Variants in EVL observed in about 807,000 individuals in gnomAD.
EVL encodes the protein ena/VASP-like protein.
Under a neutral mutation model 59.6 loss-of-function variants are expected in EVL, and 21 were observed. The observed-to-expected ratio is 0.35, with a 90% CI of 0.25 to 0.51. EVL has a LOEUF of 0.51. EVL is among the 20% of genes least tolerant of loss of function. EVL has a pLI of 0.97. For synonymous variants in EVL, 198 were observed against 203.5 expected (o/e 0.97, Z 0.23); for missense variants, 462 against 546.6 (o/e 0.85, Z 1.54).
intron 1 of EVL, among the ~76,000 whole-genome samples, chr14:99,997,736 A>G (rs1440725829): frequency 4.6e-5 from 7 of 152,206 alleles, no homozygotes; most frequent in African/African-American, 1.7e-4. Flanking sequence ...AGTGATGTTC[A>G]TGTGTAACTT....
chr14:100,047,736 G>C (rs1439801655), intron 1 of EVL, among the ~76,000 whole-genome samples: 1 of 152,170 alleles, frequency 6.6e-6, no homozygotes, highest in Non-Finnish European at 1.5e-5. Flanking sequence ...TCATTATTCA[G>C]ATTGTGAGTT....
At chr14:100,133,983 C>T (rs1277247240) in intron 8 of EVL, among the ~76,000 whole-genome samples, 2 of 152,194 alleles carry the variant, frequency 1.3e-5, no homozygotes, top group African/African-American at 4.8e-5. Flanking sequence ...CTCCCGACCC[C>T]CAGGCCTCAC....
chr14:100,044,632 C>T lies in EVL; in HGVS notation c.6-40055C>T, dbSNP rs4143899. On this transcript the variant is annotated intron_variant, in intron 1 of 13. Transcript: ENST00000402714. ...AATGTGATCCAAGGAGTGCCACAGGCAGACCTGGGGTATGTGTGGGTATCT... is the reference window on the plus strand; with the variant it reads ...AATGTGATCCAAGGAGTGCCACAGGTAGACCTGGGGTATGTGTGGGTATCT... Among the ~76,000 whole-genome samples, 5 of 152,154 alleles carry T rather than the reference C, an allele frequency of 3.3e-5. No individual in the cohort carries two copies. The East Asian group carries it at 9.6e-4, about 29-fold the overall frequency.
chr14:100,018,246 G>A (rs544908459), intron 1 of EVL, among the ~76,000 whole-genome samples: 121 of 152,326 alleles, frequency 7.9e-4, no homozygotes, highest in South Asian at 1.5e-3. Flanking sequence ...GGAGCAGTGA[G>A]GGAGCAGCAC....
At chr14:99,981,359 G>T (rs2060805020) in intron 1 of EVL, among the ~76,000 whole-genome samples, 1 of 152,170 alleles carries the variant, frequency 6.6e-6, no homozygotes. Context: ...TTGAACCCGG[G>T]ATGGGGAGGT....
At chr14:99,999,454 T>C (rs974160936) in intron 1 of EVL, among the ~76,000 whole-genome samples, 1 of 152,168 alleles carries the variant, frequency 6.6e-6, no homozygotes, top group Non-Finnish European at 1.5e-5. Context: ...CTGACACATA[T>C]AAAGAATGTA....
chr14:100,058,828 T>G (rs1194836773), intron 1 of EVL, among the ~76,000 whole-genome samples: 1 of 152,210 alleles, frequency 6.6e-6, no homozygotes, highest in Non-Finnish European at 1.5e-5. Flanking sequence ...AAGTGCTTCA[T>G]TAAAGCTAGA....
intron 1 of EVL, among the ~76,000 whole-genome samples, chr14:100,024,005 A>G (rs1366521807): frequency 6.6e-6 from 1 of 152,212 alleles, no homozygotes; most frequent in African/African-American, 2.4e-5. Flanking sequence ...AGCCCAAATC[A>G]GAGACTTCTG....
rs1365880989 is a variant in EVL at position 100,009,811 on chromosome 14, A to G, written c.5+37754A>G. ...GAGACATCAATCAAATACATTTAAG[A>G]AATACATTGGTTTGATTCAGAAGGC... On this transcript the variant is annotated intron_variant, in intron 1 of 13. Coordinates refer to the EVL transcript ENST00000402714. Among the ~76,000 whole-genome samples, 3 of 152,348 alleles carry G rather than the reference A, an allele frequency of 2.0e-5. No homozygotes were observed. The East Asian group carries it at 5.8e-4, about 29-fold the overall frequency.
chr14:99,987,510 CA>C (rs1345736934), intron 1 of EVL, among the ~76,000 whole-genome samples: 19 of 152,174 alleles, frequency 1.2e-4, no homozygotes, highest in African/African-American at 4.3e-4. Flanking sequence ...GGCATGGTGG[CA>C]CACGCCTGTA....
At chr14:100,048,409 A>G (rs2061590600) in intron 1 of EVL, among the ~76,000 whole-genome samples, 1 of 152,220 alleles carries the variant, frequency 6.6e-6, no homozygotes, top group Non-Finnish European at 1.5e-5. Context: ...ATCATTAATC[A>G]TTAGAGAAAT....
At chr14:100,048,591 T>C in intron 1 of EVL, among the ~76,000 whole-genome samples, 1 of 152,206 alleles carries the variant, frequency 6.6e-6, no homozygotes, top group East Asian at 1.9e-4. Context: ...TTACATACAG[T>C]TAACATATAA....
At chr14:100,005,398 G>T (rs1329547713) in intron 1 of EVL, among the ~76,000 whole-genome samples, 1 of 152,088 alleles carries the variant, frequency 6.6e-6, no homozygotes, top group Non-Finnish European at 1.5e-5. Context: ...AGATCATTCT[G>T]TTTTAAGCTG....
intron 2 of EVL, among the ~76,000 whole-genome samples, chr14:100,095,391 C>G (rs1469333744): frequency 2.0e-5 from 3 of 152,222 alleles, no homozygotes; most frequent in African/African-American, 7.2e-5. Context: ...CTTCTCTTCC[C>G]TCATGCTGGT....
Position 100,110,374 on chromosome 14 carries a change from A to G in EVL, c.358+12716A>G, listed in dbSNP as rs527429811. On this transcript the variant is annotated intron_variant, in intron 3 of 13. Transcript: ENST00000392920. ...GGGCAACAGAGCAAGACGCTGTCTC[A>G]GGAAAAAAAAAAAAAGGTAACTAAC... Among the ~76,000 whole-genome samples the G allele has an allele frequency of 4.3e-3, 649 of 151,322 alleles. 7 individuals are homozygous for G. Among genetic ancestry groups the G allele is most frequent in the Non-Finnish European group, 7.0e-3 (475 of 67,588 alleles).
rs1232127806 is a variant in EVL at position 100,130,704 on chromosome 14, G to T, written c.839+1020G>T. Among the ~76,000 whole-genome samples the T allele has an allele frequency of 6.6e-6, 1 of 152,230 alleles. No individual in the cohort carries two copies. Among genetic ancestry groups the T allele is most frequent in the Non-Finnish European group, 1.5e-5 (1 of 68,038 alleles). ...CACAGCTGCAGGCAGCTGGTGTGGC[G>T]CTTCATGGCAGGGCCACAGCCTGGG... On this transcript the variant is annotated intron_variant, in intron 7 of 13. Coordinates refer to ENST00000392920, the MANE Select transcript of EVL (RefSeq NM_016337.3). The surrounding 1 kb of genome is among the most constrained non-coding windows in gnomAD (Gnocchi z 4.8).
chr14:100,022,108 T>C (rs2061135155), intron 1 of EVL, among the ~76,000 whole-genome samples: 1 of 151,916 alleles, frequency 6.6e-6, no homozygotes, highest in Non-Finnish European at 1.5e-5. Flanking sequence ...TGGGATAATA[T>C]AAACTTTATG....
intron 1 of EVL, among the ~76,000 whole-genome samples, chr14:100,054,005 T>C (rs1330252180): frequency 6.7e-6 from 1 of 150,004 alleles, no homozygotes. Flanking sequence ...GTCTCTTCCC[T>C]CACTCTGTAT....
At chr14:100,070,726 T>C (rs983272539) in intron 1 of EVL, among the ~76,000 whole-genome samples, 6 of 152,212 alleles carry the variant, frequency 3.9e-5, no homozygotes. Flanking sequence ...GGCTGTTGAT[T>C]CATCCTTGGA....
Sources: gnomAD v4.1 joint callset for allele counts (sites outside exome capture counted in the v4.1 genomes callset) on GRCh38, gnomAD v4.1.1 for gene constraint, Gnocchi (gnomAD v3.1) non-coding constraint, MANE v1.5 for transcripts, NCBI Gene and HGNC (gene_info 2026-07-23, HGNC 2026-07-21) for gene names.